Variants in SORBS2 observed in about 807,000 individuals in gnomAD.
SORBS2 encodes the protein sorbin and SH3 domain-containing protein 2.
In SORBS2, 46 loss-of-function variants were observed where a neutral mutation model predicts 97.7. The ratio of observed to expected loss-of-function variants is 0.47; its 90% confidence interval spans 0.37 to 0.60. SORBS2 has a LOEUF of 0.60. SORBS2 is among the 20% of genes least tolerant of loss of function. The pLI is 0.00. For missense variants in SORBS2, 1,316 were observed against 1,282.3 expected (o/e 1.03, Z -0.40); for synonymous variants, 476 against 473.4 (o/e 1.01, Z -0.07).
At chr4:185,656,719 G>C (rs2097411693) in exon 1 of SORBS2, 1 of 1,545,172 alleles carries the variant, frequency 6.5e-7, no homozygotes, top group Admixed American at 2.0e-5. Context: ...GCCTGCCCAG[G>C]CTCTCAGAAG....
intron 4 of SORBS2, among the ~76,000 whole-genome samples, chr4:185,672,091 T>C (rs1425978960): frequency 6.6e-6 from 1 of 152,202 alleles, no homozygotes; most frequent in Non-Finnish European, 1.5e-5. Flanking sequence ...ACATCAATGA[T>C]TGGGGCCGGT....
intron 2 of SORBS2, among the ~76,000 whole-genome samples, chr4:185,723,109 T>C (rs2098528575): frequency 6.6e-6 from 1 of 151,876 alleles, no homozygotes; most frequent in African/African-American, 2.4e-5. Flanking sequence ...AGTAAATTAA[T>C]TTATAAAATT....
At chr4:185,613,863 A>G (rs1228501579) in intron 11 of SORBS2, among the ~76,000 whole-genome samples, 1 of 152,010 alleles carries the variant, frequency 6.6e-6, no homozygotes, top group African/African-American at 2.4e-5. Context: ...GAAAGAAGGA[A>G]TCGGCTGATG....
At chr4:185,691,472 TA>T (rs2098092650) in intron 2 of SORBS2, among the ~76,000 whole-genome samples, 1 of 152,220 alleles carries the variant, frequency 6.6e-6, no homozygotes, top group South Asian at 2.1e-4. Flanking sequence ...TCCAGAGTTT[TA>T]AAAGTGACCC....
intron 1 of SORBS2, among the ~76,000 whole-genome samples, chr4:185,874,288 A>AT: frequency 6.6e-6 from 1 of 152,314 alleles, no homozygotes; most frequent in South Asian, 2.1e-4. Context: ...TGATCCCAAT[A>AT]TTTCTGTGAA....
chr4:185,674,233 C>T (rs564220785), intron 4 of SORBS2, among the ~76,000 whole-genome samples: 1 of 152,316 alleles, frequency 6.6e-6, no homozygotes, highest in African/African-American at 2.4e-5. Context: ...AAGTTTCCAC[C>T]AACCTGTTCC....
chr4:185,658,421 A>G (rs1405120675), upstream of SORBS2, among the ~76,000 whole-genome samples: 9 of 148,454 alleles, frequency 6.1e-5, no homozygotes, highest in Non-Finnish European at 1.3e-4. Flanking sequence ...TTTTAAAAAA[A>G]TCATCATTAT....
At chr4:185,837,763 T>C (rs748528121) in intron 1 of SORBS2, among the ~76,000 whole-genome samples, 81 of 151,528 alleles carry the variant, frequency 5.3e-4, no homozygotes, top group African/African-American at 1.7e-3. Context: ...ATCATAAATA[T>C]GAAAAGAATC....
intron 2 of SORBS2, among the ~76,000 whole-genome samples, chr4:185,692,964 G>A (rs541993137): frequency 2.6e-5 from 4 of 152,232 alleles, no homozygotes; most frequent in Middle Eastern, 3.4e-3. Flanking sequence ...CAATATAGAC[G>A]ATATCCTTAC....
At chr4:185,695,519 A>T (rs547582832) in intron 2 of SORBS2, among the ~76,000 whole-genome samples, 106 of 151,690 alleles carry the variant, frequency 7.0e-4, no homozygotes, top group South Asian at 2.5e-3. Context: ...TTTTTTTTAA[A>T]GAGATGTATT....
At chr4:185,793,864 T>C (rs1162226157) in intron 1 of SORBS2, among the ~76,000 whole-genome samples, 3 of 152,202 alleles carry the variant, frequency 2.0e-5, no homozygotes, top group African/African-American at 7.2e-5. Context: ...AAGCCTGTGG[T>C]TGAAAGATAT....
At chr4:185,909,894 G>C (rs571007215) in intron 1 of SORBS2, among the ~76,000 whole-genome samples, 10 of 150,752 alleles carry the variant, frequency 6.6e-5, no homozygotes, top group African/African-American at 2.4e-4. Context: ...TGAGGCAGGA[G>C]AATTGCTTGA....
At chr4:185,704,538 C>T (rs747003085) in intron 2 of SORBS2, among the ~76,000 whole-genome samples, 2 of 152,004 alleles carry the variant, frequency 1.3e-5, no homozygotes, top group Non-Finnish European at 2.9e-5. Context: ...AGGCTAGTCT[C>T]GAGTTCCTGA....
intron 1 of SORBS2, among the ~76,000 whole-genome samples, chr4:185,888,954 T>C (rs1382883952): frequency 6.6e-6 from 1 of 152,232 alleles, no homozygotes; most frequent in Non-Finnish European, 1.5e-5. Context: ...AAATTGCCAG[T>C]GCATAGCTGT....
chr4:185,664,351 T>C (rs2097566943), intron 4 of SORBS2, among the ~76,000 whole-genome samples: 1 of 152,182 alleles, frequency 6.6e-6, no homozygotes, highest in Non-Finnish European at 1.5e-5. Flanking sequence ...CCCACAAGAC[T>C]GTATATAAGA....
chr4:185,865,032 C>A (rs34764127), intron 1 of SORBS2, among the ~76,000 whole-genome samples: 27,886 of 152,000 alleles, frequency 0.18, 3,498 homozygotes, highest in East Asian at 0.55. Context: ...TGGGCTCAAT[C>A]TTTACCTGCC....
At chr4:185,843,744 G>T (rs188836478) in intron 1 of SORBS2, among the ~76,000 whole-genome samples, 25 of 152,286 alleles carry the variant, frequency 1.6e-4, no homozygotes, top group African/African-American at 6.0e-4. Context: ...TCATGGATGA[G>T]AAAACTCAGT....
At chr4:185,856,322 T>C (rs74944685) in intron 1 of SORBS2, among the ~76,000 whole-genome samples, 3,240 of 152,210 alleles carry the variant, frequency 0.021, 98 homozygotes, top group African/African-American at 0.073. Flanking sequence ...TCCTTTTAGG[T>C]AAAACCCCAA....
intron 1 of SORBS2, among the ~76,000 whole-genome samples, chr4:185,923,784 T>C (rs930952517): frequency 6.6e-6 from 1 of 152,118 alleles, no homozygotes; most frequent in African/African-American, 2.4e-5. Flanking sequence ...AGATACAGTA[T>C]CAGGGTTCTA....
Sources: gnomAD v4.1 joint callset for allele counts (sites outside exome capture counted in the v4.1 genomes callset) on GRCh38, gnomAD v4.1.1 for gene constraint, MANE v1.5 for transcripts, NCBI Gene and HGNC (gene_info 2026-07-23, HGNC 2026-07-21) for gene names.